NBEAL2: variants seen among roughly 807,000 people sequenced by gnomAD.
The protein encoded by NBEAL2 is neurobeachin-like protein 2.
NBEAL2 carries 160 observed loss-of-function variants against 299.8 expected under a neutral mutation model. That is an observed-to-expected ratio of 0.53 (90% CI 0.47 to 0.61). NBEAL2 has a LOEUF of 0.61. Ranked by LOEUF, NBEAL2 falls within the 20% of genes least tolerant of loss-of-function variation. The pLI, the probability that NBEAL2 is intolerant of heterozygous loss-of-function variation, is 0.00. For synonymous variants in NBEAL2, 1,493 were observed against 1,542.3 expected (o/e 0.97, Z 0.75); for missense variants, 3,112 against 3,649.0 (o/e 0.85, Z 3.79).
Position 47,004,705 on chromosome 3 carries a change from A to G in NBEAL2, c.6294+115A>G. On this transcript the variant is annotated intron_variant, in intron 38 of 53. Transcript: ENST00000450053. The surrounding 1 kb of genome is among the most constrained non-coding windows in gnomAD (Gnocchi z 5.0). ...AAGCTCTGAGCTTGGTCAAGGGTAGATGTGCCAATGAAGACCTGGCCTCTG... is the reference window on the plus strand; with the variant it reads ...AAGCTCTGAGCTTGGTCAAGGGTAGGTGTGCCAATGAAGACCTGGCCTCTG... The G allele has an allele frequency of 1.7e-6, 2 of 1,173,896 alleles. No homozygotes were observed. Among genetic ancestry groups the G allele is most frequent in the Non-Finnish European group, 2.5e-6 (2 of 798,286 alleles). 72.7% of individuals were successfully genotyped at this position (1,173,896 alleles called of 1,614,324 possible). A position where few individuals can be genotyped will look rare whatever the true frequency, so the allele number is the denominator to read the frequency against.
chr3:46,999,827 C>G (rs2036823604), intron 26 of NBEAL2, 62 bp from the exon 27 acceptor site: 2 of 1,598,680 alleles, frequency 1.3e-6, no homozygotes, highest in South Asian at 1.1e-5. Flanking sequence ...TGCAAAGGCC[C>G]TGGATGAGGG....
chr3:47,002,424 C>A lies in NBEAL2; in HGVS notation c.5205C>A (p.Asp1735Glu). The change falls in exon 32 of 54, where the codon GAC (aspartate) becomes GAA (glutamate). Residue 1735 changes from aspartate (D) to glutamate (E), a missense_variant. Asp to Glu is a conservative substitution (Grantham distance 45). Coordinates refer to ENST00000450053, the MANE Select transcript of NBEAL2 (RefSeq NM_015175.3). The part of the protein sequence containing the change: ...FEMDTYAKSH[D>E]LMSGFWNACY... ...TGGACACGTATGCTAAGAGCCACGACCTTATGTCAGGTTTCTGGAATGCCT... is the reference window on the plus strand; with the variant it reads ...TGGACACGTATGCTAAGAGCCACGAACTTATGTCAGGTTTCTGGAATGCCT... 1.2e-6 allele frequency: 2 copies of A among 1,613,550 alleles called. No individual in the cohort carries two copies. The highest frequency in any genetic ancestry group is 1.7e-6 in the Non-Finnish European group (2 of 1,179,908).
intron 1 of NBEAL2, chr3:46,987,917 G>T: frequency 9.0e-7 from 1 of 1,108,040 alleles, no homozygotes; most frequent in Non-Finnish European, 1.2e-6. Flanking sequence ...CCGGGAGGAA[G>T]CGGTCCCCCT....
Position 46,998,057 on chromosome 3 carries a change from C to A in NBEAL2, c.2959-10C>A. ...CCTGAGCCCTCACTCCAGCTCCTGT[C>A]TTATCCCAGGTCCCAAGCTGGGCCA... On this transcript the variant is annotated splice_polypyrimidine_tract_variant and intron_variant, in intron 20 of 53. Coordinates refer to ENST00000450053, the MANE Select transcript of NBEAL2 (RefSeq NM_015175.3). 1 of 1,559,464 alleles carries A rather than the reference C, an allele frequency of 6.4e-7. No homozygotes were observed. The highest frequency in any genetic ancestry group is 1.2e-5 in the South Asian group (1 of 84,878).
At chr3:47,005,918 G>A (rs1353143874) in intron 42 of NBEAL2, 28 bp from the exon 43 acceptor site, 2 of 1,612,706 alleles carry the variant, frequency 1.2e-6, no homozygotes, top group South Asian at 2.2e-5. Flanking sequence ...AGCTGTCCCT[G>A]CACTGATTGC....
chr3:46,987,956 C>T (rs1048473235), intron 1 of NBEAL2: 2 of 1,266,362 alleles, frequency 1.6e-6, no homozygotes, highest in Admixed American at 4.8e-5. Flanking sequence ...GCTTCCTGCC[C>T]CAGCCCCGGG....
In NBEAL2 at chr3:46,979,710, G is replaced by C. The variant is rs2035165728; in HGVS notation, c.-152G>C. On this transcript the variant is annotated 5_prime_UTR_variant, in exon 1 of 54. Transcript: ENST00000450053. ...CAGACTTGGGTGGCTCTGCGCCGCGGAGGCCACAGCCGCAGACTTCCCCAG... is the reference window on the plus strand; with the variant it reads ...CAGACTTGGGTGGCTCTGCGCCGCGCAGGCCACAGCCGCAGACTTCCCCAG... 6.5e-6 allele frequency: 2 copies of C among 309,200 alleles called. No individual in the cohort carries two copies. Among genetic ancestry groups the C allele is most frequent in the Admixed American group, 1.0e-4 (2 of 19,732 alleles). 19.2% of individuals were successfully genotyped at this position (309,200 alleles called of 1,614,324 possible).
Position 46,995,063 on chromosome 3 carries a change from C to A in NBEAL2, c.1328C>A (p.Pro443His). ...GAGGGTGACCACAGCATGTGCCCAC[C>A]TCCACCAATCCGCAACGAGCAGCCG... ...AVEGDHSMCP[P>H]PPIRNEQPVL... is the part of the protein sequence containing the mutation. Residue 443 changes from proline to histidine, a missense_variant, in exon 13 of 54, where the codon CCT (proline) becomes CAT (histidine). This residue lies in a region of NBEAL2 where 2,243 missense variants were observed against 2,538.1 expected (regional missense o/e 0.88). Coordinates refer to ENST00000450053, the MANE Select transcript of NBEAL2 (RefSeq NM_015175.3). The A allele has an allele frequency of 6.4e-7, 1 of 1,555,998 alleles. No homozygotes were observed. The highest frequency in any genetic ancestry group is 2.4e-5 in the East Asian group (1 of 41,670).
intron 1 of NBEAL2, among the ~76,000 whole-genome samples, chr3:46,981,704 A>G (rs930039235): frequency 6.6e-6 from 1 of 152,122 alleles, no homozygotes; most frequent in Non-Finnish European, 1.5e-5. Context: ...ATGGGCAGGT[A>G]AAGGGGGCTT....
chr3:47,009,254 G>T lies in NBEAL2; in HGVS notation c.8199G>T (p.Arg2733=), dbSNP rs746702385. Residue 2733 remains arginine (R), a synonymous_variant, in exon 54 of 54, where the codon CGG becomes CGT. Coordinates refer to ENST00000450053, the MANE Select transcript of NBEAL2 (RefSeq NM_015175.3). ...RSSQFARKLW[R]SSRRISQVSS... ...GCCAGTTCGCGCGGAAGCTGTGGCG[G>T]TCCTCGCGGCGCATCTCCCAGGTGT... 10 of 1,601,772 alleles carry T rather than the reference G, an allele frequency of 6.2e-6. No individual in the cohort carries two copies. The highest frequency in any genetic ancestry group is 2.3e-5 in the South Asian group (2 of 88,704).
chr3:47,005,003 C>A lies in NBEAL2; in HGVS notation c.6326C>A (p.Pro2109Gln). The change falls in exon 39 of 54, where the codon CCA becomes CAA. Residue 2109 changes from proline to glutamine, a missense_variant. This residue lies in a region of NBEAL2 where 521 missense variants were observed against 729.6 expected (regional missense o/e 0.71). Coordinates refer to ENST00000450053, the MANE Select transcript of NBEAL2 (RefSeq NM_015175.3). The stretch of plus-strand genomic sequence containing the variant: ...TGGGTCCTGCAGGACTACGTGTCCC[C>A]AACCCTGGACCTCAGCAACCCAGCC... ...FPWVLQDYVSPTLDLSNPAVF... is the reference protein window; with the variant it reads ...FPWVLQDYVSQTLDLSNPAVF... The A allele has an allele frequency of 6.2e-7, 1 of 1,611,254 alleles. No homozygotes were observed. Among genetic ancestry groups the A allele is most frequent in the Non-Finnish European group, 8.5e-7 (1 of 1,178,848 alleles).
intron 9 of NBEAL2, 88 bp downstream of exon 9, chr3:46,992,034 A>T (rs2036136174): frequency 3.4e-6 from 4 of 1,176,004 alleles, no homozygotes; most frequent in Non-Finnish European, 5.0e-6. Flanking sequence ...CTGAGCAAAC[A>T]TGGGCTGGAC....
chr3:46,992,156 G>A (rs1441714736), intron 9 of NBEAL2, among the ~76,000 whole-genome samples: 3 of 152,196 alleles, frequency 2.0e-5, no homozygotes, highest in African/African-American at 4.8e-5. Context: ...TGAGGCTTAG[G>A]ACATCTTTGT....
rs755222054 is a variant in NBEAL2 at position 47,000,258 on chromosome 3, G to A, written c.4159G>A (p.Gly1387Ser). The A allele has an allele frequency of 4.6e-5, 74 of 1,612,994 alleles. 1 individual carries two copies. The highest frequency in any genetic ancestry group is 9.9e-5 in the South Asian group (9 of 91,092). The change falls in exon 27 of 54, where the codon GGC (glycine) becomes AGC (serine). Residue 1387 changes from glycine (G) to serine (S), a missense_variant. This residue lies in a region of NBEAL2 where 2,243 missense variants were observed against 2,538.1 expected (regional missense o/e 0.88). Coordinates refer to ENST00000450053, the MANE Select transcript of NBEAL2 (RefSeq NM_015175.3). This position sits in a 1 kb window ranked among gnomAD's most constrained non-coding sequence, Gnocchi z 4.5. ...GACTCTTACTCCAGCCAGCCAGCCC[G>A]GCACTCCTTCGCCACTGGATGGGCC... The part of the protein sequence containing the change: ...SGTLTPASQP[G>S]TPSPLDGPRP...
chr3:46,989,629 C>G lies in NBEAL2; in HGVS notation c.556+36C>G. 1 of 1,534,852 alleles carries G rather than the reference C, an allele frequency of 6.5e-7. No homozygotes were observed. Among genetic ancestry groups the G allele is most frequent in the Non-Finnish European group, 8.8e-7 (1 of 1,130,794 alleles). The stretch of plus-strand genomic sequence containing the variant: ...GCCCCTGCCCCCACTTGGCTCCACC[C>G]CCAAACCTAGGCCCCTTCCTGTCGT... On this transcript the variant is annotated intron_variant, in intron 6 of 53. Transcript: ENST00000450053. The surrounding 1 kb of genome is among the most constrained non-coding windows in gnomAD (Gnocchi z 5.5).
Position 47,007,810 on chromosome 3 carries a change from A to T in NBEAL2, c.7508-6A>T. On this transcript the variant is annotated splice_region_variant and splice_polypyrimidine_tract_variant and intron_variant, in intron 48 of 53. Transcript: ENST00000450053. ...GTTCTGCCTGTACCCTCCCCTTCCC[A>T]TGCAGATGTAGTAACCTGCCTTGCA... The T allele has an allele frequency of 6.2e-7, 1 of 1,612,874 alleles. No individual in the cohort carries two copies. Among genetic ancestry groups the T allele is most frequent in the East Asian group, 2.2e-5 (1 of 44,876 alleles).
rs999802287 is a variant in NBEAL2 at position 47,004,669 on chromosome 3, G to C, written c.6294+79G>C. 9 of 1,409,536 alleles carry C rather than the reference G, an allele frequency of 6.4e-6. No homozygotes were observed. The Admixed American group carries it at 1.5e-4, about 24-fold the overall frequency. The allele number at this position is 1,409,536 out of a possible 1,614,324, so 87.3% of individuals were successfully genotyped here. On this transcript the variant is annotated intron_variant, in intron 38 of 53. Transcript: ENST00000450053. The surrounding 1 kb of genome is among the most constrained non-coding windows in gnomAD (Gnocchi z 5.0). ...TTGGTTCCCCCAAGTGTAGGTACCT[G>C]CCAGTGGGCCAAGCTCTGAGCTTGG...
chr3:47,007,219 C>T, intron 46 of NBEAL2, 22 bp from the exon 47 acceptor site: 1 of 1,609,866 alleles, frequency 6.2e-7, no homozygotes, highest in Non-Finnish European at 8.5e-7. Flanking sequence ...AGAAACCCAC[C>T]TCTGCCCCCT....
At chr3:46,979,962 C>T in intron 1 of NBEAL2, 50 bp downstream of exon 1, 1 of 288,674 alleles carries the variant, frequency 3.5e-6, no homozygotes, top group Admixed American at 5.3e-5. Context: ...GTGCCCCCAG[C>T]TTCGCGCGCC....
Sources: gnomAD v4.1 joint callset for allele counts (sites outside exome capture counted in the v4.1 genomes callset) on GRCh38, gnomAD v4.1.1 for gene constraint, gnomAD v4.1.1 regional missense constraint, Gnocchi (gnomAD v3.1) non-coding constraint, MANE v1.5 for transcripts, NCBI Gene and HGNC (gene_info 2026-07-23, HGNC 2026-07-21) for gene names.